MSRA: variants seen among roughly 807,000 people sequenced by gnomAD.
MSRA encodes mitochondrial peptide methionine sulfoxide reductase.
A neutral mutation model predicts 31.3 loss-of-function variants in MSRA; 54 were observed. The ratio of observed to expected loss-of-function variants is 1.73; its 90% confidence interval spans 1.39 to 2.17. The LOEUF is 2.17. Among genes scored for constraint, MSRA ranks in the 30% most tolerant of loss-of-function variants. The probability of loss-of-function intolerance (pLI) is 0.00; values close to 1 mark genes in which losing one functional copy is unlikely to be tolerated. For synonymous variants in MSRA, 169 were observed against 116.5 expected (o/e 1.45, Z -2.90); for missense variants, 507 against 300.9 (o/e 1.69, Z -5.07).
In MSRA at chr8:10,421,683, G is replaced by A. The variant is rs117875235; in HGVS notation, c.544-6465G>A. 4.1e-4 allele frequency among the ~76,000 whole-genome samples: 63 copies of A among 152,264 alleles called. No homozygotes were observed. In the East Asian group the frequency reaches 0.011, roughly 28 times the overall value. On this transcript the variant is annotated intron_variant, in intron 5 of 5. Transcript: ENST00000317173. ...AGGACGGATGGGACCTGCTGTGCCC[G>A]GCTGGCACGCCTTCCATAAGGAGTG...
chr8:10,383,022 T>C (rs1358427187), intron 5 of MSRA, among the ~76,000 whole-genome samples: 1 of 152,180 alleles, frequency 6.6e-6, no homozygotes, highest in African/African-American at 2.4e-5. Context: ...GGGCAAGAGG[T>C]AGGGGCTTCC....
intron 1 of MSRA, among the ~76,000 whole-genome samples, chr8:10,090,253 A>G (rs1798789252): frequency 6.6e-6 from 1 of 152,092 alleles, no homozygotes; most frequent in Non-Finnish European, 1.5e-5. Flanking sequence ...AGTCCAGGAG[A>G]GCAGAAGCTC....
At chr8:10,122,475 G>T (rs563304835) in intron 1 of MSRA, among the ~76,000 whole-genome samples, 25 of 151,792 alleles carry the variant, frequency 1.6e-4, no homozygotes, top group African/African-American at 5.8e-4. Context: ...GGTCTGATTA[G>T]GAATGTAAGT....
chr8:10,324,374 C>T (rs968387874), intron 5 of MSRA, among the ~76,000 whole-genome samples: 29 of 152,296 alleles, frequency 1.9e-4, no homozygotes, highest in Middle Eastern at 3.4e-3. Context: ...GCATGTCAGT[C>T]TGGATCCCTG....
chr8:10,303,415 C>A (rs1224561299), intron 4 of MSRA, among the ~76,000 whole-genome samples: 1 of 152,184 alleles, frequency 6.6e-6, no homozygotes, highest in Non-Finnish European at 1.5e-5. Flanking sequence ...GGAGAACTCA[C>A]CTCTCTGTTC....
chr8:10,241,284 C>T (rs765572246), intron 2 of MSRA, among the ~76,000 whole-genome samples: 7 of 152,016 alleles, frequency 4.6e-5, no homozygotes, highest in Non-Finnish European at 7.4e-5. Flanking sequence ...GAGTCTGGGA[C>T]ATCCTGTCAA....
intron 1 of MSRA, among the ~76,000 whole-genome samples, chr8:10,172,445 A>G (rs1439522706): frequency 6.6e-6 from 1 of 152,076 alleles, no homozygotes; most frequent in Non-Finnish European, 1.5e-5. Context: ...TGGAAGTAGC[A>G]GGGCAGGGGA....
intron 2 of MSRA, among the ~76,000 whole-genome samples, chr8:10,219,871 T>C (rs1026179497): frequency 6.6e-6 from 1 of 151,886 alleles, no homozygotes; most frequent in East Asian, 1.9e-4. Context: ...TTTTGGTTTT[T>C]TTTTGTTTGT....
intron 1 of MSRA, among the ~76,000 whole-genome samples, chr8:10,056,908 G>T (rs745320054): frequency 2.0e-5 from 3 of 152,114 alleles, no homozygotes; most frequent in Non-Finnish European, 2.9e-5. Flanking sequence ...ACTGCAGAAG[G>T]CCTGTTTCTT....
At chr8:10,417,772 G>GTGTGTGTGTGTGTGTGTGTGTGTC (rs1808567435) in intron 5 of MSRA, among the ~76,000 whole-genome samples, 1 of 151,022 alleles carries the variant, frequency 6.6e-6, no homozygotes, top group Non-Finnish European at 1.5e-5. Context: ...GTGTGTGTGT[G>GTGTGTGTGTGTGTGTGTGTGTGTC]TGTGTGTCTG....
chr8:10,353,708 A>G (rs1377485142), intron 5 of MSRA: 1 of 454,270 alleles, frequency 2.2e-6, no homozygotes, highest in Admixed American at 2.4e-5. Context: ...CTGTCCCTGT[A>G]CCTGCCCACT....
chr8:10,210,614 C>G (rs1809391752), intron 2 of MSRA, among the ~76,000 whole-genome samples: 1 of 152,166 alleles, frequency 6.6e-6, no homozygotes, highest in Non-Finnish European at 1.5e-5. Flanking sequence ...AGGAGGATGT[C>G]TTACATTCCC....
At chr8:10,196,614 A>G (rs548257674) in intron 1 of MSRA, among the ~76,000 whole-genome samples, 3 of 152,192 alleles carry the variant, frequency 2.0e-5, no homozygotes, top group South Asian at 2.1e-4. Context: ...CAGTGGTGCA[A>G]TCTCGACTCA....
intron 1 of MSRA, among the ~76,000 whole-genome samples, chr8:10,190,596 G>GCA (rs1442019887): frequency 6.6e-6 from 1 of 152,182 alleles, no homozygotes; most frequent in African/African-American, 2.4e-5. Flanking sequence ...TCTTCCTTGG[G>GCA]CACTTTCTGT....
chr8:10,070,552 G>A (rs971020569), intron 1 of MSRA, among the ~76,000 whole-genome samples: 4 of 152,132 alleles, frequency 2.6e-5, no homozygotes, highest in Admixed American at 2.6e-4. Context: ...ACTATAGTAC[G>A]TCATTACAAC....
chr8:10,318,712 C>T (rs538631464), intron 4 of MSRA, among the ~76,000 whole-genome samples: 4 of 152,242 alleles, frequency 2.6e-5, no homozygotes, highest in South Asian at 2.1e-4. Context: ...TATTCCTAGC[C>T]GTTCCTGGAT....
intron 2 of MSRA, among the ~76,000 whole-genome samples, chr8:10,227,324 C>G (rs1389967510): frequency 6.6e-6 from 1 of 152,188 alleles, no homozygotes; most frequent in Admixed American, 6.5e-5. Context: ...AAGAAACATA[C>G]CAGGGGTTTG....
Position 10,292,970 on chromosome 8 carries a change from G to A in MSRA, c.332-8564G>A, listed in dbSNP as rs572862956. 2.6e-4 allele frequency among the ~76,000 whole-genome samples: 40 copies of A among 152,318 alleles called. No homozygotes were observed. In the South Asian group the frequency reaches 5.4e-3, roughly 20 times the overall value. On this transcript the variant is annotated intron_variant, in intron 3 of 5. Transcript: ENST00000317173. ...GGCTCCTGTAGGCCCCAGGGAAGGG[G>A]ACAGAGATGACAGGTGTGGAGAAGC...
rs115267049 is a variant in MSRA, at chr8:10,396,838, C to T, written c.544-31310C>T. ...GATGGTCTGGGGTATGGCCCTTACG[C>T]GAGATCTGTTGAGTAAAGCCTTCCC... On this transcript the variant is annotated intron_variant, in intron 5 of 5. Coordinates refer to ENST00000317173, the MANE Select transcript of MSRA (RefSeq NM_012331.5). Among the ~76,000 whole-genome samples the T allele has an allele frequency of 1.8e-3, 269 of 152,278 alleles. 5 individuals are homozygous for T. The highest frequency in any genetic ancestry group is 6.1e-3 in the African/African-American group (253 of 41,552).
Sources: gnomAD v4.1 joint callset for allele counts (sites outside exome capture counted in the v4.1 genomes callset) on GRCh38, gnomAD v4.1.1 for gene constraint, MANE v1.5 for transcripts, NCBI Gene and HGNC (gene_info 2026-07-23, HGNC 2026-07-21) for gene names.